Variants in BTG4 observed in about 807,000 individuals in gnomAD.
BTG4 encodes the protein protein BTG4.
In BTG4, 10 loss-of-function variants were observed where a neutral mutation model predicts 19.3. The observed-to-expected ratio is 0.52, with a 90% confidence interval of 0.32 to 0.88. The LOEUF (loss-of-function observed/expected upper bound fraction) is 0.88, where lower values mean the gene tolerates loss of function less well. BTG4 is among the 40% of genes least tolerant of loss of function. The pLI, the probability that BTG4 is intolerant of heterozygous loss-of-function variation, is 0.04. For missense variants in BTG4, 238 were observed against 281.9 expected, an observed-to-expected ratio of 0.84 and a Z score of 1.11; for synonymous variants, 91 against 95.7, an observed-to-expected ratio of 0.95 and a Z score of 0.29.
At chr11:111,392,819 G>A in the BTG4 span, among the ~76,000 whole-genome samples, 1 of 152,166 alleles carries the variant, frequency 6.6e-6, no homozygotes, top group South Asian at 2.1e-4. Context: ...GTTTGATCCT[G>A]CCGCCACCAA....
chr11:111,417,376 G>A, the BTG4 span: 4 of 152,180 alleles, frequency 2.6e-5, no homozygotes, highest in Non-Finnish European at 4.4e-5. Context: ...CAAGGTCATC[G>A]CCTAGGTGAG....
downstream of BTG4, among the ~76,000 whole-genome samples, chr11:111,464,185 G>C (rs1301066154): frequency 6.6e-6 from 1 of 152,086 alleles, no homozygotes; most frequent in Non-Finnish European, 1.5e-5. Context: ...TTTTAGTAGA[G>C]ACAGGGTTTC....
chr11:111,454,406 G>C, the BTG4 span: 1 of 431,720 alleles, frequency 2.3e-6, no homozygotes, highest in African/African-American at 2.1e-5. Flanking sequence ...GGAGGAACAT[G>C]TGGGGCTAGA....
chr11:111,390,492 T>C, the BTG4 span, among the ~76,000 whole-genome samples: 2 of 152,294 alleles, frequency 1.3e-5, no homozygotes, highest in South Asian at 4.1e-4. Flanking sequence ...AAAGCATTTC[T>C]AAAAACCCAG....
the BTG4 span, among the ~76,000 whole-genome samples, chr11:111,425,428 G>A: frequency 6.6e-6 from 1 of 152,176 alleles, no homozygotes; most frequent in African/African-American, 2.4e-5. Context: ...AGAGCCCCCA[G>A]TGCTGACCAT....
chr11:111,509,975 G>A (rs1866757413), intron 1 of BTG4, among the ~76,000 whole-genome samples: 2 of 140,886 alleles, frequency 1.4e-5, no homozygotes, highest in African/African-American at 2.6e-5. Context: ...GCAGTGGCAC[G>A]ATCTCGGCTC....
At chr11:111,384,531 T>C in the BTG4 span, among the ~76,000 whole-genome samples, 1 of 152,128 alleles carries the variant, frequency 6.6e-6, no homozygotes, top group Admixed American at 6.5e-5. Flanking sequence ...TGCAAGCGGA[T>C]AATGAAGAAA....
chr11:111,452,524 G>T, the BTG4 span: 3 of 152,232 alleles, frequency 2.0e-5, no homozygotes, highest in Non-Finnish European at 4.4e-5. Context: ...GCCCTGAAGA[G>T]GTCTGGCTGG....
At chr11:111,436,603 G>A in the BTG4 span, among the ~76,000 whole-genome samples, 1 of 150,130 alleles carries the variant, frequency 6.7e-6, no homozygotes, top group Non-Finnish European at 1.5e-5. Flanking sequence ...CTCCAGCCTG[G>A]GCAACGAGAG....
At chr11:111,451,062 C>T in the BTG4 span, 1 of 179,432 alleles carries the variant, frequency 5.6e-6, no homozygotes, top group Admixed American at 5.2e-5. Flanking sequence ...ATCCGAAACC[C>T]CACAGTCTGC....
At chr11:111,491,579 T>C (rs959726684), downstream of BTG4, among the ~76,000 whole-genome samples, 1 of 151,530 alleles carries the variant, frequency 6.6e-6, no homozygotes, top group Non-Finnish European at 1.5e-5. Context: ...GAGACCTCGT[T>C]CTCTACTAAA....
chr11:111,464,139 G>A (rs899567280), downstream of BTG4, among the ~76,000 whole-genome samples: 4 of 152,190 alleles, frequency 2.6e-5, no homozygotes, highest in Admixed American at 2.0e-4. Context: ...TGGGATTACA[G>A]GTGTGCGCCA....
the BTG4 span, among the ~76,000 whole-genome samples, chr11:111,436,721 T>G: frequency 3.3e-5 from 5 of 151,654 alleles, no homozygotes; most frequent in Non-Finnish European, 1.5e-5. Flanking sequence ...CTGACCTTGC[T>G]GGCCCAGGGG....
At chr11:111,420,861 T>A in the BTG4 span, among the ~76,000 whole-genome samples, 5 of 152,208 alleles carry the variant, frequency 3.3e-5, no homozygotes, top group Non-Finnish European at 1.5e-5. Flanking sequence ...GAATCAATTA[T>A]ACAATTCAAA....
chr11:111,412,355 A>G, the BTG4 span, among the ~76,000 whole-genome samples: 1 of 150,024 alleles, frequency 6.7e-6, no homozygotes. Flanking sequence ...CTTAAAGTTT[A>G]CTATCTGTAT....
intron 5 of BTG4, among the ~76,000 whole-genome samples, chr11:111,468,939 T>C (rs1027891183): frequency 2.6e-5 from 4 of 152,226 alleles, no homozygotes; most frequent in African/African-American, 9.6e-5. Flanking sequence ...GATACACAAG[T>C]AACTCTGAAT....
chr11:111,384,836 A>G, the BTG4 span: 1 of 152,176 alleles, frequency 6.6e-6, no homozygotes, highest in South Asian at 2.1e-4. Context: ...TTAAAATAAC[A>G]TGATTACACA....
At chr11:111,460,392 T>C in the BTG4 span, 2 of 152,546 alleles carry the variant, frequency 1.3e-5, no homozygotes, top group Non-Finnish European at 2.9e-5. Context: ...GTTTATTGTA[T>C]TCATTTATTC....
chr11:111,494,794 G>T, downstream of BTG4: 1 of 805,346 alleles, frequency 1.2e-6, no homozygotes, highest in Non-Finnish European at 1.5e-6. Flanking sequence ...TTTGTTTCTT[G>T]CAACAAACTG....
Sources: gnomAD v4.1 joint callset for allele counts (sites outside exome capture counted in the v4.1 genomes callset) on GRCh38, gnomAD v4.1.1 for gene constraint, MANE v1.5 for transcripts, NCBI Gene and HGNC (gene_info 2026-07-23, HGNC 2026-07-21) for gene names.